Variants in STK24 observed in about 807,000 individuals in gnomAD.
The protein encoded by STK24 is serine/threonine-protein kinase 24.
STK24 carries 21 observed loss-of-function variants against 55.6 expected under a neutral mutation model. The observed-to-expected ratio is 0.38, with a 90% CI of 0.27 to 0.54. The LOEUF (loss-of-function observed/expected upper bound fraction) is 0.54, where lower values mean the gene tolerates loss of function less well. STK24 is among the 20% of genes least tolerant of loss of function. The probability of loss-of-function intolerance (pLI) is 0.79; values close to 1 mark genes in which losing one functional copy is unlikely to be tolerated. For synonymous variants in STK24, 200 were observed against 215.2 expected (o/e 0.93, Z 0.62); for missense variants, 383 against 538.4 (o/e 0.71, Z 2.86).
chr13:98,555,934 G>A (rs1345632907), intron 1 of STK24, among the ~76,000 whole-genome samples: 12 of 151,102 alleles, frequency 7.9e-5, no homozygotes, highest in Non-Finnish European at 1.2e-4. Context: ...CACCCGCCTC[G>A]GCCTCTCAAA....
intron 1 of STK24, among the ~76,000 whole-genome samples, chr13:98,522,399 T>C (rs1260813883): frequency 6.6e-6 from 1 of 152,148 alleles, no homozygotes; most frequent in Non-Finnish European, 1.5e-5. Context: ...CAGAAATATA[T>C]GGGAGTTCAG....
intron 1 of STK24, among the ~76,000 whole-genome samples, chr13:98,565,426 G>C (rs113611785): frequency 0.014 from 2,192 of 152,174 alleles, 60 homozygotes; most frequent in African/African-American, 0.049. Context: ...TCAGGAGCTT[G>C]AGACCAGCCT....
chr13:98,514,362 A>C (rs1024391676), intron 2 of STK24, among the ~76,000 whole-genome samples: 8 of 152,254 alleles, frequency 5.3e-5, no homozygotes, highest in African/African-American at 1.7e-4. Context: ...TGGGGACCAC[A>C]GAAAAAACAA....
chr13:98,461,871 C>T lies in STK24; in HGVS notation c.956G>A (p.Gly319Asp). 1 of 1,614,002 alleles carries T rather than the reference C, an allele frequency of 6.2e-7. No individual in the cohort carries two copies. The highest frequency in any genetic ancestry group is 8.5e-7 in the Non-Finnish European group (1 of 1,179,914). Residue 319 changes from glycine (G) to aspartate (D), a missense_variant, in exon 8 of 11, where the codon GGC becomes GAC. Gly to Asp is a moderately conservative substitution (Grantham distance 94). Transcript: ENST00000539966. ...DAETDGQASG[G>D]SDSGDWIFTI... ...GAAGATCCAGTCCCCAGAATCACTGCCCCCCGAGGCTTGGCCATCTGTTTC... is the reference window on the plus strand; with the variant it reads ...GAAGATCCAGTCCCCAGAATCACTGTCCCCCGAGGCTTGGCCATCTGTTTC...
intron 1 of STK24, among the ~76,000 whole-genome samples, chr13:98,534,946 T>G (rs191738401): frequency 5.0e-4 from 76 of 152,376 alleles, no homozygotes; most frequent in Middle Eastern, 3.4e-3. Flanking sequence ...TTCCCCTGTC[T>G]TGATAAATCA....
At chr13:98,524,151 G>A (rs575091622) in intron 1 of STK24, among the ~76,000 whole-genome samples, 1 of 152,206 alleles carries the variant, frequency 6.6e-6, no homozygotes, top group South Asian at 2.1e-4. Context: ...CATGTGTGAG[G>A]GGCATGAACC....
intron 1 of STK24, among the ~76,000 whole-genome samples, chr13:98,560,312 C>T (rs1897386174): frequency 6.6e-6 from 1 of 152,174 alleles, no homozygotes; most frequent in Admixed American, 6.5e-5. Context: ...AAACTTTATA[C>T]AAGGAATGTA....
intron 1 of STK24, among the ~76,000 whole-genome samples, chr13:98,565,858 C>T (rs1897553953): frequency 6.6e-6 from 1 of 152,220 alleles, no homozygotes. Flanking sequence ...CCCACACCCA[C>T]AATCCTAAAT....
chr13:98,503,922 T>C (rs1021087249), intron 2 of STK24, among the ~76,000 whole-genome samples: 1 of 152,172 alleles, frequency 6.6e-6, no homozygotes, highest in South Asian at 2.1e-4. Context: ...CAGCGTCTGT[T>C]GACAGAAGCC....
intron 2 of STK24, 112 bp from the exon 3 acceptor site, chr13:98,482,433 A>G: frequency 1.6e-6 from 1 of 608,818 alleles, no homozygotes. Flanking sequence ...AGTTTTACAA[A>G]CATGTACCAG....
rs1366108175 is a variant in STK24 at position 98,446,092 on chromosome 13, T to G, written c.*7081A>C. 6.2e-7 allele frequency: 1 copy of G among 1,608,290 alleles called. No individual in the cohort carries two copies. The highest frequency in any genetic ancestry group is 2.2e-5 in the East Asian group (1 of 44,858). On this transcript the variant is annotated 3_prime_UTR_variant, in exon 11 of 11. Coordinates refer to ENST00000539966, the MANE Select transcript of STK24 (RefSeq NM_001032296.4). Reference sequence around the variant, plus strand: ...TGTGCTTCTCACAGGCCTCCTTGCCTTTCAGAATCAGTTGTCTGGAAACCT... The same window carrying G: ...TGTGCTTCTCACAGGCCTCCTTGCCGTTCAGAATCAGTTGTCTGGAAACCT...
chr13:98,486,585 G>A (rs1015349005), intron 2 of STK24, among the ~76,000 whole-genome samples: 7 of 152,172 alleles, frequency 4.6e-5, no homozygotes, highest in African/African-American at 1.2e-4. Context: ...ATGCACTGCA[G>A]GGTGTTCAGC....
intron 5 of STK24, among the ~76,000 whole-genome samples, chr13:98,466,772 G>A (rs2139267913): frequency 6.6e-6 from 1 of 152,346 alleles, no homozygotes; most frequent in East Asian, 1.9e-4. Context: ...CCTCTACATG[G>A]AGATGGCTTA....
rs1202970595 is a variant in STK24 at position 98,446,542 on chromosome 13, C to G, written c.*6631G>C. On this transcript the variant is annotated 3_prime_UTR_variant, in exon 11 of 11. Transcript: ENST00000539966. ...AAACACTGGCTGCCATGGTCCCTTC[C>G]AGGCCCACGCCCGAGGAGGGAGCTG... 1.0e-6 allele frequency: 1 copy of G among 994,204 alleles called. No individual in the cohort carries two copies. 61.6% of individuals were successfully genotyped at this position (994,204 alleles called of 1,614,324 possible).
At chr13:98,502,300 A>G (rs1028882004) in intron 2 of STK24, among the ~76,000 whole-genome samples, 2 of 152,230 alleles carry the variant, frequency 1.3e-5, no homozygotes, top group African/African-American at 4.8e-5. Flanking sequence ...CAGTAAACAT[A>G]GGAATCAATG....
intron 1 of STK24, among the ~76,000 whole-genome samples, chr13:98,526,915 C>T (rs1473974191): frequency 1.3e-5 from 2 of 152,178 alleles, no homozygotes; most frequent in African/African-American, 2.4e-5. Flanking sequence ...TTTCATGAGA[C>T]GCTTGCCAGG....
At chr13:98,461,582 G>C (rs1363626433) in intron 8 of STK24, among the ~76,000 whole-genome samples, 192 bp downstream of exon 8, 4 of 152,160 alleles carry the variant, frequency 2.6e-5, no homozygotes, top group Non-Finnish European at 5.9e-5. Flanking sequence ...CCAGAGGCCA[G>C]ACTCCCTGGT....
Position 98,460,376 on chromosome 13 carries a change from G to A in STK24, c.1118C>T (p.Ala373Val), listed in dbSNP as rs1401490050. The A allele has an allele frequency of 3.1e-6, 5 of 1,612,904 alleles. No homozygotes were observed. The highest frequency in any genetic ancestry group is 3.4e-6 in the Non-Finnish European group (4 of 1,179,378). The change falls in exon 9 of 11, where the codon GCA (alanine) becomes GTA (valine). Residue 373 changes from alanine to valine, a missense_variant. Ala to Val is a moderately conservative substitution (Grantham distance 64, BLOSUM62 0). Coordinates refer to ENST00000539966, the MANE Select transcript of STK24 (RefSeq NM_001032296.4). Reference protein sequence around the residue: ...CLSTIISPLFAELKEKSQACG... With the variant: ...CLSTIISPLFVELKEKSQACG... Reference sequence around the variant, plus strand: ...AAAGGCCAGCCAGGTACCTACCTCTGCAAACAGAGGAGAAATAATTGTAGA... The same window carrying A: ...AAAGGCCAGCCAGGTACCTACCTCTACAAACAGAGGAGAAATAATTGTAGA...
intron 1 of STK24, among the ~76,000 whole-genome samples, chr13:98,570,705 G>C (rs1383999125): frequency 6.6e-6 from 1 of 152,174 alleles, no homozygotes; most frequent in African/African-American, 2.4e-5. Context: ...GCATATCTCA[G>C]TTTATTTCCC....
Sources: allele counts gnomAD v4.1 joint callset (sites outside exome capture counted in the v4.1 genomes callset), GRCh38; gene constraint gnomAD v4.1.1; transcripts MANE v1.5; gene names NCBI Gene and HGNC (gene_info 2026-07-23, HGNC 2026-07-21).